ADGRB3: variants seen among roughly 807,000 people sequenced by gnomAD.
ADGRB3 encodes the protein brain-specific angiogenesis inhibitor 3.
ADGRB3 carries 37 observed loss-of-function variants against 193.4 expected under a neutral mutation model. The ratio of observed to expected loss-of-function variants is 0.19; its 90% CI spans 0.15 to 0.25. ADGRB3 has a LOEUF of 0.25. Ranked by LOEUF, ADGRB3 falls within the 10% of genes least tolerant of loss-of-function variation. The pLI, the probability that ADGRB3 is intolerant of heterozygous loss-of-function variation, is 1.00. For missense variants in ADGRB3, 1,637 were observed against 1,852.9 expected, an observed-to-expected ratio of 0.88 and a Z score of 2.14; for synonymous variants, 690 against 644.2, an observed-to-expected ratio of 1.07 and a Z score of -1.08.
At chr6:68,747,656 A>G (rs1243577525) in intron 3 of ADGRB3, among the ~76,000 whole-genome samples, 3 of 152,194 alleles carry the variant, frequency 2.0e-5, no homozygotes, top group African/African-American at 7.2e-5. Context: ...GTAAGGAAGA[A>G]GATTGATATG....
chr6:68,669,493 A>C (rs1275750234), intron 3 of ADGRB3, among the ~76,000 whole-genome samples: 1 of 151,600 alleles, frequency 6.6e-6, no homozygotes, highest in African/African-American at 2.4e-5. Context: ...AGAACATGCC[A>C]TGTTTGTCTT....
chr6:68,968,855 C>T (rs1238872777), intron 8 of ADGRB3, among the ~76,000 whole-genome samples: 4 of 151,872 alleles, frequency 2.6e-5, no homozygotes, highest in African/African-American at 9.7e-5. Flanking sequence ...CACTACTGTC[C>T]AACATAGTTG....
intron 3 of ADGRB3, among the ~76,000 whole-genome samples, chr6:68,711,870 T>C (rs1480903567): frequency 6.6e-6 from 1 of 152,092 alleles, no homozygotes; most frequent in Non-Finnish European, 1.5e-5. Flanking sequence ...CATGAAAATT[T>C]ATCAACATAC....
Position 69,388,972 on chromosome 6 carries a change from G to A in ADGRB3, c.*81G>A. ...CTTGGGAAGCCTGACATTTCTATCT[G>A]GACAGTGTGACTATCTTATGTCAGG... On this transcript the variant is annotated 3_prime_UTR_variant, in exon 32 of 32. Transcript: ENST00000370598. 7.3e-7 allele frequency: 1 copy of A among 1,374,724 alleles called. No individual in the cohort carries two copies. Among genetic ancestry groups the A allele is most frequent in the Non-Finnish European group, 9.9e-7 (1 of 1,014,094 alleles). The allele number at this position is 1,374,724 out of a possible 1,614,324, so 85.2% of individuals were successfully genotyped here.
intron 7 of ADGRB3, 70 bp from the exon 8 acceptor site, chr6:68,956,575 C>G: frequency 6.3e-7 from 1 of 1,576,346 alleles, no homozygotes; most frequent in Admixed American, 1.7e-5. Flanking sequence ...TAGTAACATT[C>G]TCAGATTTTA....
At chr6:69,272,663 G>A (rs550953757) in intron 20 of ADGRB3, among the ~76,000 whole-genome samples, 30 of 152,212 alleles carry the variant, frequency 2.0e-4, no homozygotes, top group African/African-American at 7.2e-4. Context: ...TAAAATGTGA[G>A]GAATGAATTA....
intron 8 of ADGRB3, among the ~76,000 whole-genome samples, chr6:68,972,923 G>C (rs1247112879): frequency 6.6e-6 from 1 of 152,162 alleles, no homozygotes; most frequent in Non-Finnish European, 1.5e-5. Context: ...GGCCCAGACT[G>C]TGTGAGACTA....
intron 3 of ADGRB3, among the ~76,000 whole-genome samples, chr6:68,702,669 A>G (rs377295119): frequency 6.6e-6 from 1 of 152,136 alleles, no homozygotes; most frequent in South Asian, 2.1e-4. Context: ...TTTTCCTTTC[A>G]AATATTAGAG....
chr6:68,873,821 A>G (rs1176957217), intron 3 of ADGRB3, among the ~76,000 whole-genome samples: 1 of 152,080 alleles, frequency 6.6e-6, no homozygotes, highest in Non-Finnish European at 1.5e-5. Context: ...TTTGTATTAA[A>G]TATTTAAAAT....
At chr6:68,724,895 A>G (rs1047941334) in intron 3 of ADGRB3, among the ~76,000 whole-genome samples, 1 of 151,738 alleles carries the variant, frequency 6.6e-6, no homozygotes, top group African/African-American at 2.4e-5. Flanking sequence ...GTTTATAACA[A>G]AGGCATGTTT....
intron 3 of ADGRB3, among the ~76,000 whole-genome samples, chr6:68,733,244 A>T (rs1461790205): frequency 2.7e-5 from 4 of 147,620 alleles, no homozygotes; most frequent in East Asian, 2.0e-4. Flanking sequence ...ATATATATAA[A>T]ATATATATAT....
chr6:68,952,773 C>T (rs1582343358), intron 6 of ADGRB3, among the ~76,000 whole-genome samples: 1 of 148,568 alleles, frequency 6.7e-6, no homozygotes, highest in East Asian at 2.1e-4. Context: ...TCATTATTTT[C>T]TCTGTTACTG....
chr6:68,985,221 C>G (rs1427667784), intron 10 of ADGRB3, among the ~76,000 whole-genome samples: 1 of 152,142 alleles, frequency 6.6e-6, no homozygotes, highest in East Asian at 1.9e-4. Context: ...CCAGAAGTGT[C>G]CGCAGCACCT....
chr6:68,979,814 T>C (rs1208489180), intron 10 of ADGRB3, among the ~76,000 whole-genome samples: 1 of 151,420 alleles, frequency 6.6e-6, no homozygotes, highest in African/African-American at 2.4e-5. Context: ...TTGTCTTTGG[T>C]ATATGTGAAC....
chr6:68,807,329 G>A (rs761640229), intron 3 of ADGRB3, among the ~76,000 whole-genome samples: 13 of 132,358 alleles, frequency 9.8e-5, no homozygotes, highest in Admixed American at 1.8e-4. Flanking sequence ...GCTCCGCCCC[G>A]CGGGGTTCAC....
chr6:69,127,123 C>T (rs1253970327), intron 17 of ADGRB3, among the ~76,000 whole-genome samples: 1 of 152,118 alleles, frequency 6.6e-6, no homozygotes, highest in Non-Finnish European at 1.5e-5. Context: ...ACATGTCTCC[C>T]TATCACACTT....
chr6:68,847,199 G>A (rs1768296809), intron 3 of ADGRB3, among the ~76,000 whole-genome samples: 1 of 152,178 alleles, frequency 6.6e-6, no homozygotes, highest in South Asian at 2.1e-4. Flanking sequence ...TATCTAGGAA[G>A]TAACTAGCTT....
At chr6:68,767,080 A>C (rs1766523951) in intron 3 of ADGRB3, among the ~76,000 whole-genome samples, 1 of 152,130 alleles carries the variant, frequency 6.6e-6, no homozygotes, top group African/African-American at 2.4e-5. Context: ...CATTAAAATA[A>C]GCGTTCTTTT....
intron 28 of ADGRB3, among the ~76,000 whole-genome samples, chr6:69,357,719 A>G (rs867009555): frequency 6.6e-6 from 1 of 151,918 alleles, no homozygotes; most frequent in Non-Finnish European, 1.5e-5. Flanking sequence ...GAGTATGGTC[A>G]TAGCAAAACA....
Sources: allele counts gnomAD v4.1 joint callset (sites outside exome capture counted in the v4.1 genomes callset), GRCh38; gene constraint gnomAD v4.1.1; transcripts MANE v1.5; gene names NCBI Gene and HGNC (gene_info 2026-07-23, HGNC 2026-07-21).